Variants in PCDH9 observed in about 807,000 individuals in gnomAD.
PCDH9 encodes the protein protocadherin 9.
PCDH9 carries 24 observed loss-of-function variants against 70.6 expected under a neutral mutation model. The ratio of observed to expected loss-of-function variants is 0.34; its 90% CI spans 0.25 to 0.48. PCDH9 has a LOEUF of 0.48. Among genes scored for constraint, PCDH9 ranks in the 20% least tolerant of loss-of-function variants. The probability of loss-of-function intolerance (pLI) is 0.99; values close to 1 mark genes in which losing one functional copy is unlikely to be tolerated. For missense variants in PCDH9, 1,281 were observed against 1,503.6 expected, an observed-to-expected ratio of 0.85 and a Z score of 2.45; for synonymous variants, 562 against 558.5, an observed-to-expected ratio of 1.01 and a Z score of -0.09.
At chr13:66,440,042 CATCAT>C (rs1307552196) in intron 4 of PCDH9, among the ~76,000 whole-genome samples, 1 of 152,064 alleles carries the variant, frequency 6.6e-6, no homozygotes, top group Non-Finnish European at 1.5e-5. Context: ...AGTAAAATAA[CATCAT>C]ATCAAGAGTA....
intron 2 of PCDH9, among the ~76,000 whole-genome samples, chr13:66,973,891 G>C (rs1306891927): frequency 1.3e-5 from 2 of 151,210 alleles, no homozygotes; most frequent in African/African-American, 4.9e-5. Context: ...TTTGCACACT[G>C]TCCATTTGAA....
At chr13:66,452,780 C>T (rs951368934) in intron 4 of PCDH9, among the ~76,000 whole-genome samples, 5 of 152,150 alleles carry the variant, frequency 3.3e-5, no homozygotes, top group Admixed American at 6.5e-5. Flanking sequence ...TCTATACATT[C>T]GTCTTGATTA....
chr13:67,103,812 G>A (rs568411417), intron 2 of PCDH9, among the ~76,000 whole-genome samples: 1 of 152,212 alleles, frequency 6.6e-6, no homozygotes, highest in East Asian at 1.9e-4. Flanking sequence ...TGACTAGGCA[G>A]TGGGGAACCA....
intron 2 of PCDH9, among the ~76,000 whole-genome samples, chr13:67,082,971 G>A (rs960896174): frequency 9.9e-5 from 15 of 151,968 alleles, no homozygotes; most frequent in African/African-American, 3.6e-4. Flanking sequence ...AAAGAATACT[G>A]GAATACCTCT....
chr13:66,919,462 C>T (rs577974252), intron 2 of PCDH9, among the ~76,000 whole-genome samples: 6 of 151,272 alleles, frequency 4.0e-5, no homozygotes, highest in African/African-American at 9.7e-5. Context: ...GTCTTCTGTG[C>T]TATGCATAGT....
intron 2 of PCDH9, among the ~76,000 whole-genome samples, chr13:66,927,772 C>G (rs1002237080): frequency 1.3e-5 from 2 of 152,056 alleles, no homozygotes; most frequent in Non-Finnish European, 2.9e-5. Flanking sequence ...AGGCCCCACT[C>G]CAGTGACCTC....
chr13:66,320,861 A>G (rs972216068), intron 4 of PCDH9, among the ~76,000 whole-genome samples: 4 of 152,036 alleles, frequency 2.6e-5, no homozygotes, highest in Admixed American at 2.6e-4. Context: ...AAATGGTGTT[A>G]TTTGACTAAA....
intron 2 of PCDH9, among the ~76,000 whole-genome samples, chr13:66,989,820 G>A (rs1170136272): frequency 2.0e-5 from 3 of 151,726 alleles, no homozygotes; most frequent in South Asian, 2.1e-4. Flanking sequence ...TTAGCAAAAC[G>A]GGAACATAAA....
intron 3 of PCDH9, among the ~76,000 whole-genome samples, chr13:66,810,426 C>T (rs2080484386): frequency 6.6e-6 from 1 of 151,870 alleles, no homozygotes; most frequent in African/African-American, 2.4e-5. Context: ...ATGGATACGT[C>T]ATTTAAGTTC....
intron 4 of PCDH9, among the ~76,000 whole-genome samples, chr13:66,343,770 T>A (rs1286774745): frequency 6.6e-6 from 1 of 152,176 alleles, no homozygotes; most frequent in Non-Finnish European, 1.5e-5. Flanking sequence ...ACATATCCTC[T>A]AGTTGCAGGA....
chr13:66,358,817 T>G (rs899684431), intron 4 of PCDH9, among the ~76,000 whole-genome samples: 7 of 151,990 alleles, frequency 4.6e-5, no homozygotes, highest in Admixed American at 1.3e-4. Context: ...CCCAAGGTGA[T>G]TTATAGACAG....
intron 2 of PCDH9, among the ~76,000 whole-genome samples, chr13:67,158,086 T>C (rs2087859867): frequency 6.6e-6 from 1 of 152,170 alleles, no homozygotes; most frequent in East Asian, 1.9e-4. Context: ...TTAAAATACT[T>C]CTCTTTAGTA....
intron 3 of PCDH9, among the ~76,000 whole-genome samples, chr13:66,804,137 A>G (rs1204760656): frequency 6.6e-6 from 1 of 152,294 alleles, no homozygotes; most frequent in African/African-American, 2.4e-5. Flanking sequence ...CTTACTATTT[A>G]ATTTACTCAT....
intron 4 of PCDH9, among the ~76,000 whole-genome samples, chr13:66,575,738 T>C (rs887961424): frequency 5.9e-5 from 9 of 152,148 alleles, no homozygotes; most frequent in African/African-American, 2.2e-4. Context: ...CCTCCAACTA[T>C]ATCACGTTAT....
intron 4 of PCDH9, among the ~76,000 whole-genome samples, chr13:66,389,213 C>A (rs1027474487): frequency 6.6e-6 from 1 of 152,064 alleles, no homozygotes; most frequent in Non-Finnish European, 1.5e-5. Context: ...TTAAAAATAT[C>A]TTTATGGGGC....
intron 3 of PCDH9, among the ~76,000 whole-genome samples, chr13:66,871,132 G>T (rs867056741): frequency 0.033 from 5,039 of 150,942 alleles, 273 homozygotes; most frequent in African/African-American, 0.11. Flanking sequence ...GTAAACTATC[G>T]CAAGAACAAA....
intron 4 of PCDH9, among the ~76,000 whole-genome samples, chr13:66,416,248 G>A (rs949915074): frequency 7.3e-5 from 11 of 151,354 alleles, no homozygotes; most frequent in African/African-American, 2.2e-4. Flanking sequence ...AGGAGATAAC[G>A]TCTGGAGATT....
At chr13:67,167,368 C>T (rs377518943) in intron 2 of PCDH9, among the ~76,000 whole-genome samples, 7 of 152,144 alleles carry the variant, frequency 4.6e-5, no homozygotes, top group African/African-American at 1.2e-4. Flanking sequence ...TATGATTGTG[C>T]GGACTCAAGA....
rs765791610 is a variant in PCDH9, at chr13:66,490,028, C to T, written c.3340+141182G>A. Among the ~76,000 whole-genome samples the T allele has an allele frequency of 2.6e-5, 4 of 152,182 alleles. No homozygotes were observed. In the South Asian group the frequency reaches 6.2e-4, roughly 24 times the overall value. On this transcript the variant is annotated intron_variant, in intron 4 of 4. Transcript: ENST00000377865. Reference sequence around the variant, plus strand: ...TAAGTTCTAGGGTACATGTGCACAACGTGCAGATTTGTTACATATGTATAC... The same window carrying T: ...TAAGTTCTAGGGTACATGTGCACAATGTGCAGATTTGTTACATATGTATAC...
Sources: allele counts gnomAD v4.1 joint callset (sites outside exome capture counted in the v4.1 genomes callset), GRCh38; gene constraint gnomAD v4.1.1; transcripts MANE v1.5; gene names NCBI Gene and HGNC (gene_info 2026-07-23, HGNC 2026-07-21).